Variants in HYCC1 observed in about 807,000 individuals in gnomAD.
The protein encoded by HYCC1 is hyccin.
chr7:22,984,731 G>A, the HYCC1 span, among the ~76,000 whole-genome samples: 36 of 152,164 alleles, frequency 2.4e-4, no homozygotes, highest in East Asian at 5.2e-3. Context: ...AATTAACTCC[G>A]GAGTTACATA....
chr7:22,935,403 T>C, the HYCC1 span: 1 of 152,158 alleles, frequency 6.6e-6, no homozygotes, highest in East Asian at 1.9e-4. Context: ...ATTCCCTGTG[T>C]ATGGGGGAGA....
the HYCC1 span, chr7:22,977,393 T>C: frequency 6.3e-7 from 1 of 1,595,284 alleles, no homozygotes; most frequent in Non-Finnish European, 8.6e-7. Flanking sequence ...ACTCAATACT[T>C]TGGTATGTCC....
chr7:22,896,044 G>T, the HYCC1 span, among the ~76,000 whole-genome samples: 18 of 152,252 alleles, frequency 1.2e-4, no homozygotes, highest in South Asian at 3.7e-3. Context: ...TATTTAAATA[G>T]GCTTTGCAAA....
the HYCC1 span, among the ~76,000 whole-genome samples, chr7:22,961,879 G>A: frequency 2.0e-5 from 3 of 151,920 alleles, no homozygotes; most frequent in Non-Finnish European, 4.4e-5. Context: ...GTGCATGTGT[G>A]AGTGTGTGTG....
At chr7:22,919,510 CAG>C in the HYCC1 span, among the ~76,000 whole-genome samples, 1 of 151,590 alleles carries the variant, frequency 6.6e-6, no homozygotes, top group Middle Eastern at 3.4e-3. Flanking sequence ...GCCTGGAAAA[CAG>C]AGGAAGATTC....
chr7:22,997,051 G>A, the HYCC1 span, among the ~76,000 whole-genome samples: 1 of 152,112 alleles, frequency 6.6e-6, no homozygotes, highest in African/African-American at 2.4e-5. Flanking sequence ...AGGAGTCTAT[G>A]TAGTATTTCA....
the HYCC1 span, among the ~76,000 whole-genome samples, chr7:22,923,644 C>A: frequency 6.6e-6 from 1 of 151,816 alleles, no homozygotes; most frequent in Non-Finnish European, 1.5e-5. Flanking sequence ...AATTGACAAA[C>A]CTTTAGCTAG....
chr7:23,004,813 G>A, the HYCC1 span, among the ~76,000 whole-genome samples: 2 of 151,818 alleles, frequency 1.3e-5, no homozygotes, highest in Non-Finnish European at 2.9e-5. Flanking sequence ...TTTTTGTTTC[G>A]TTTTGTTTTT....
At chr7:22,951,911 C>A in the HYCC1 span, among the ~76,000 whole-genome samples, 224 of 151,990 alleles carry the variant, frequency 1.5e-3, no homozygotes, top group African/African-American at 4.9e-3. Context: ...AATGAAAATT[C>A]TTTAAATACT....
At chr7:22,899,319 G>C in the HYCC1 span, among the ~76,000 whole-genome samples, 1 of 152,280 alleles carries the variant, frequency 6.6e-6, no homozygotes, top group South Asian at 2.1e-4. Context: ...CAAGGAAGTT[G>C]TACAGCATGG....
chr7:22,995,170 C>T, the HYCC1 span, among the ~76,000 whole-genome samples: 1 of 152,096 alleles, frequency 6.6e-6, no homozygotes, highest in East Asian at 1.9e-4. Flanking sequence ...TATTACCACT[C>T]AAGATCATTC....
At chr7:22,978,163 G>A in the HYCC1 span, 1 of 993,702 alleles carries the variant, frequency 1.0e-6, no homozygotes, top group Non-Finnish European at 1.6e-6. Flanking sequence ...GAGTCATTTG[G>A]TGTATGAAAA....
the HYCC1 span, among the ~76,000 whole-genome samples, chr7:23,002,516 A>G: frequency 1.3e-4 from 20 of 152,240 alleles, no homozygotes; most frequent in East Asian, 1.9e-4. Flanking sequence ...AACAAATTCA[A>G]TTAAATTAAG....
chr7:22,912,562 C>T, the HYCC1 span, among the ~76,000 whole-genome samples: 6 of 152,308 alleles, frequency 3.9e-5, no homozygotes, highest in East Asian at 1.2e-3. Context: ...ACCTTTGCTT[C>T]AGCTTGCTCA....
the HYCC1 span, among the ~76,000 whole-genome samples, chr7:22,901,804 G>A: frequency 6.6e-6 from 1 of 151,638 alleles, no homozygotes; most frequent in Admixed American, 6.6e-5. Context: ...CAAATTAAAG[G>A]GAGAAACAGA....
the HYCC1 span, among the ~76,000 whole-genome samples, chr7:23,011,318 C>A: frequency 6.6e-6 from 1 of 152,204 alleles, no homozygotes; most frequent in Non-Finnish European, 1.5e-5. Flanking sequence ...CTGATTTTCA[C>A]ATCCACAGAT....
At chr7:22,980,450 C>T in the HYCC1 span, among the ~76,000 whole-genome samples, 1 of 151,764 alleles carries the variant, frequency 6.6e-6, no homozygotes, top group Non-Finnish European at 1.5e-5. Flanking sequence ...AGTTCTGAAA[C>T]AACTAAGCTG....
At chr7:22,982,514 G>A in the HYCC1 span, among the ~76,000 whole-genome samples, 2 of 152,140 alleles carry the variant, frequency 1.3e-5, no homozygotes, top group Non-Finnish European at 2.9e-5. Flanking sequence ...ATATTGGACT[G>A]GACTCCAGGA....
the HYCC1 span, among the ~76,000 whole-genome samples, chr7:22,953,383 ACAGCAAGATTTAT>A: frequency 6.6e-6 from 1 of 151,962 alleles, no homozygotes; most frequent in East Asian, 1.9e-4. Flanking sequence ...TTTCTTAACT[ACAGCAAGATTTAT>A]GTAAGTCCCC....
Sources: allele counts gnomAD v4.1 joint callset (sites outside exome capture counted in the v4.1 genomes callset), GRCh38; gene constraint gnomAD v4.1.1; transcripts MANE v1.5; gene names NCBI Gene and HGNC (gene_info 2026-07-23, HGNC 2026-07-21).